The following MYLK variants were observed in gnomAD, a reference collection of about 807,000 sequenced individuals.
MYLK encodes myosin light chain kinase, smooth muscle.
A neutral mutation model predicts 203.4 loss-of-function variants in MYLK; 106 were observed. That is an observed-to-expected ratio of 0.52 (90% CI 0.45 to 0.61). The LOEUF (loss-of-function observed/expected upper bound fraction) is 0.61. MYLK is among the 20% of genes least tolerant of loss of function. MYLK has a pLI of 0.00. For missense variants in MYLK, 2,072 were observed against 2,442.3 expected, an observed-to-expected ratio of 0.85 and a Z score of 3.20; for synonymous variants, 867 against 959.5, an observed-to-expected ratio of 0.90 and a Z score of 1.78.
intron 3 of MYLK, among the ~76,000 whole-genome samples, chr3:123,797,620 G>A (rs2065035896): frequency 6.6e-6 from 1 of 152,232 alleles, no homozygotes; most frequent in Non-Finnish European, 1.5e-5. Flanking sequence ...GGTGGGGACA[G>A]GTATCATGAG....
chr3:123,793,404 T>C (rs1484617379), intron 4 of MYLK, among the ~76,000 whole-genome samples: 1 of 152,142 alleles, frequency 6.6e-6, no homozygotes, highest in African/African-American at 2.4e-5. Flanking sequence ...TGTAATTATA[T>C]AGCATGTACC....
At chr3:123,865,194 C>T (rs2682219) in intron 2 of MYLK, among the ~76,000 whole-genome samples, 130,227 of 152,240 alleles carry the variant, frequency 0.86, 56,085 homozygotes, top group East Asian at 0.96. Context: ...GAATAATATC[C>T]ATACTCAGTG....
intron 20 of MYLK, among the ~76,000 whole-genome samples, chr3:123,671,346 G>A (rs1308550228): frequency 6.6e-6 from 1 of 152,218 alleles, no homozygotes; most frequent in African/African-American, 2.4e-5. Context: ...TTGAAGATGG[G>A]TCAATTCTTT....
At position 123,797,516 on chromosome 3, in the gene MYLK, G is replaced by A. The variant is rs189672855; in HGVS notation, c.-3-3672C>T. ...CATAGCTACCCAGGACCACACCCCA[G>A]TAAGAACACTGCTCCCTGTGCCCTC... On this transcript the variant is annotated intron_variant, in intron 3 of 33. Transcript: ENST00000360304. Among the ~76,000 whole-genome samples, 9 of 152,304 alleles carry A rather than the reference G, an allele frequency of 5.9e-5. 1 individual carries two copies. The East Asian group carries it at 1.7e-3, about 29-fold the overall frequency.
chr3:123,836,012 C>T (rs896304347), intron 2 of MYLK: 1 of 152,154 alleles, frequency 6.6e-6, no homozygotes, highest in Admixed American at 6.5e-5. Context: ...TAGATTATAC[C>T]CTTTTTGCCC....
At chr3:123,848,422 A>G (rs1243823945) in intron 2 of MYLK, among the ~76,000 whole-genome samples, 2 of 152,044 alleles carry the variant, frequency 1.3e-5, no homozygotes, top group Non-Finnish European at 2.9e-5. Flanking sequence ...AGACAACAAT[A>G]ATTGCTTACA....
intron 2 of MYLK, among the ~76,000 whole-genome samples, chr3:123,840,823 G>C (rs889563070): frequency 6.6e-6 from 1 of 151,966 alleles, no homozygotes; most frequent in Non-Finnish European, 1.5e-5. Context: ...ATTTTATTTA[G>C]ATATTTAAAA....
chr3:123,631,396 C>CAA (rs34937543), intron 29 of MYLK, among the ~76,000 whole-genome samples: 8 of 117,916 alleles, frequency 6.8e-5, no homozygotes, highest in Non-Finnish European at 1.4e-4. Flanking sequence ...AACTCAATCT[C>CAA]AAAAAAAAAA....
At chr3:123,783,103 A>G (rs904892695) in intron 4 of MYLK, among the ~76,000 whole-genome samples, 5 of 151,856 alleles carry the variant, frequency 3.3e-5, no homozygotes, top group African/African-American at 1.2e-4. Flanking sequence ...CCTTTTGAGT[A>G]CAAACTAGTT....
Position 123,776,400 on chromosome 3 carries a change from G to A in MYLK, c.165+17277C>T, listed in dbSNP as rs113976831. Among the ~76,000 whole-genome samples the A allele has an allele frequency of 6.6e-3, 998 of 152,296 alleles. 13 individuals are homozygous for A. The highest frequency in any genetic ancestry group is 0.02 in the Middle Eastern group (6 of 294). ...TGTGCTTAAAGATGCCCGAATCCTT[G>A]TCCCATTCACCTCTCTTCTGCCAAC... On this transcript the variant is annotated intron_variant, in intron 4 of 33. Transcript: ENST00000360304.
intron 20 of MYLK, among the ~76,000 whole-genome samples, chr3:123,668,727 A>G (rs2059819009): frequency 6.6e-6 from 1 of 152,156 alleles, no homozygotes; most frequent in Non-Finnish European, 1.5e-5. Context: ...CACCCCATAC[A>G]AACAGCAGCC....
At chr3:123,855,114 T>G (rs2031235353) in intron 2 of MYLK, among the ~76,000 whole-genome samples, 1 of 151,798 alleles carries the variant, frequency 6.6e-6, no homozygotes, top group South Asian at 2.1e-4. Flanking sequence ...GGAGACACTT[T>G]TGTTCTGAGA....
At chr3:123,846,760 C>A (rs966610806) in intron 2 of MYLK, among the ~76,000 whole-genome samples, 1 of 152,012 alleles carries the variant, frequency 6.6e-6, no homozygotes, top group African/African-American at 2.4e-5. Context: ...TCAATATAGC[C>A]CTTTTCTCCA....
chr3:123,735,535 C>T, intron 8 of MYLK, 119 bp from the exon 9 acceptor site: 1 of 1,148,986 alleles, frequency 8.7e-7, no homozygotes, highest in South Asian at 1.2e-5. Flanking sequence ...TCCAGCTTCC[C>T]TGGTGCTGAA....
intron 2 of MYLK, among the ~76,000 whole-genome samples, chr3:123,857,325 C>T (rs1287256770): frequency 2.0e-5 from 3 of 152,046 alleles, no homozygotes; most frequent in Admixed American, 6.5e-5. Flanking sequence ...ATAAATCATG[C>T]TGCTATAAAG....
rs1280799948 is a variant in MYLK, at chr3:123,657,054, T to A, written c.4288+72A>T. On this transcript the variant is annotated intron_variant, in intron 24 of 33. Coordinates refer to ENST00000360304, the MANE Select transcript of MYLK (RefSeq NM_053025.4). ...CTCAGTTCCTTTTCACCCCTTTCAG[T>A]ACAGTCTTTACATACACAAGGTCAG... 1.2e-5 allele frequency: 18 copies of A among 1,547,076 alleles called. 1 individual carries two copies. In the Admixed American group the frequency reaches 3.0e-4, roughly 26 times the overall value.
At position 123,700,338 on chromosome 3, in the gene MYLK, C is replaced by A; in HGVS notation, c.3130G>T (p.Ala1044Ser). The A allele has an allele frequency of 6.2e-7, 1 of 1,613,752 alleles. No homozygotes were observed. Among genetic ancestry groups the A allele is most frequent in the Non-Finnish European group, 8.5e-7 (1 of 1,179,884 alleles). Reference sequence around the variant, plus strand: ...TTGCCCATGGGCTTCAGGGTCTCGGCAGGCTTGGCGTTGCCCATTGGCTTC... The same window carrying A: ...TTGCCCATGGGCTTCAGGGTCTCGGAAGGCTTGGCGTTGCCCATTGGCTTC... ...TLKPMGNAKP[A>S]ETLKPMGNAK... The change falls in exon 18 of 34, where the codon GCC becomes TCC. Residue 1044 changes from alanine (A) to serine (S), a missense_variant. Ala to Ser is a moderately conservative substitution (Grantham distance 99). Coordinates refer to ENST00000360304, the MANE Select transcript of MYLK (RefSeq NM_053025.4).
chr3:123,713,866 C>A (rs2108681578), intron 13 of MYLK, among the ~76,000 whole-genome samples: 1 of 152,276 alleles, frequency 6.6e-6, no homozygotes, highest in Non-Finnish European at 1.5e-5. Context: ...ATGATGTCTG[C>A]ATCATCAGTC....
intron 21 of MYLK, 75 bp from the exon 22 acceptor site, chr3:123,666,421 C>T: frequency 6.2e-7 from 1 of 1,601,306 alleles, no homozygotes; most frequent in Non-Finnish European, 8.5e-7. Context: ...CGCCATTGTC[C>T]ACAGTGGTCT....
Sources: allele counts gnomAD v4.1 joint callset (sites outside exome capture counted in the v4.1 genomes callset), GRCh38; gene constraint gnomAD v4.1.1; transcripts MANE v1.5; gene names NCBI Gene and HGNC (gene_info 2026-07-23, HGNC 2026-07-21).